Variants in SYNPR observed in about 807,000 individuals in gnomAD.
The protein encoded by SYNPR is synaptoporin.
A neutral mutation model predicts 32.9 loss-of-function variants in SYNPR; 23 were observed. The ratio of observed to expected loss-of-function variants is 0.70; its 90% CI spans 0.50 to 0.99. The LOEUF is 0.99. SYNPR is among the 50% of genes least tolerant of loss of function. The probability of loss-of-function intolerance (pLI) is 0.00; values close to 1 mark genes in which losing one functional copy is unlikely to be tolerated. For synonymous variants in SYNPR, 146 were observed against 135.9 expected, an observed-to-expected ratio of 1.07 and a Z score of -0.52; for missense variants, 318 against 349.3, an observed-to-expected ratio of 0.91 and a Z score of 0.71.
chr3:63,530,742 G>A (rs1164671719), intron 3 of SYNPR, among the ~76,000 whole-genome samples: 2 of 152,102 alleles, frequency 1.3e-5, no homozygotes, highest in African/African-American at 2.4e-5. Context: ...TGAGAAGCAA[G>A]CCCCTCAGAG....
At chr3:63,473,487 A>G (rs944925024) in intron 2 of SYNPR, among the ~76,000 whole-genome samples, 7 of 152,238 alleles carry the variant, frequency 4.6e-5, no homozygotes, top group African/African-American at 1.7e-4. Context: ...GTAGAGATTC[A>G]GCAATAAACA....
At chr3:63,282,419 G>GA (rs1413460079) in intron 2 of SYNPR, among the ~76,000 whole-genome samples, 2 of 152,074 alleles carry the variant, frequency 1.3e-5, no homozygotes, top group Non-Finnish European at 2.9e-5. Context: ...GAGAGAAACT[G>GA]AAAACAAATT....
chr3:63,293,440 A>G (rs2086761391), intron 2 of SYNPR, among the ~76,000 whole-genome samples: 1 of 152,200 alleles, frequency 6.6e-6, no homozygotes, highest in Non-Finnish European at 1.5e-5. Flanking sequence ...ACTGAGAGAT[A>G]ACCTTAATAC....
intron 2 of SYNPR, among the ~76,000 whole-genome samples, chr3:63,291,470 G>C (rs937213997): frequency 6.6e-6 from 1 of 152,156 alleles, no homozygotes; most frequent in Non-Finnish European, 1.5e-5. Context: ...TCCCATATGA[G>C]AAATATCTGA....
At chr3:63,411,113 T>C (rs146209253) in intron 2 of SYNPR, among the ~76,000 whole-genome samples, 2 of 152,236 alleles carry the variant, frequency 1.3e-5, no homozygotes, top group East Asian at 1.9e-4. Flanking sequence ...CCTGATCCGA[T>C]GCAATGTGGA....
At chr3:63,479,287 A>G (rs1700994749) in intron 2 of SYNPR, among the ~76,000 whole-genome samples, 1 of 152,204 alleles carries the variant, frequency 6.6e-6, no homozygotes, top group Admixed American at 6.5e-5. Context: ...ATTCGTTAAC[A>G]TTGATTGAGA....
At chr3:63,425,596 A>T (rs1699878117) in intron 2 of SYNPR, among the ~76,000 whole-genome samples, 1 of 152,068 alleles carries the variant, frequency 6.6e-6, no homozygotes, top group Non-Finnish European at 1.5e-5. Context: ...TTTTCATTGA[A>T]TTCTTAGGCT....
intron 1 of SYNPR, among the ~76,000 whole-genome samples, chr3:63,243,765 G>A (rs1182012018): frequency 6.6e-6 from 1 of 151,966 alleles, no homozygotes; most frequent in Admixed American, 6.6e-5. Context: ...CATTTTGTGT[G>A]TGCAATGAAA....
At chr3:63,211,593 A>G in the SYNPR span, among the ~76,000 whole-genome samples, 1 of 152,190 alleles carries the variant, frequency 6.6e-6, no homozygotes, top group African/African-American at 2.4e-5. Flanking sequence ...TAGAGAGCTC[A>G]AGCTGTTTTC....
At chr3:63,569,364 T>C (rs915278365) in intron 4 of SYNPR, among the ~76,000 whole-genome samples, 12 of 152,176 alleles carry the variant, frequency 7.9e-5, no homozygotes, top group African/African-American at 2.9e-4. Flanking sequence ...TGTGACCTCT[T>C]ATCTGAGTGA....
At chr3:63,208,046 AACAC>A in the SYNPR span, among the ~76,000 whole-genome samples, 29,024 of 150,116 alleles carry the variant, frequency 0.19, 3,524 homozygotes, top group Admixed American at 0.31. Context: ...CACACACACA[AACAC>A]ACACACACAC....
chr3:63,207,783 A>T, the SYNPR span, among the ~76,000 whole-genome samples: 44 of 152,012 alleles, frequency 2.9e-4, no homozygotes, highest in African/African-American at 6.0e-4. Flanking sequence ...GCATTTTTTT[A>T]AAAAAAATGA....
chr3:63,410,591 C>T (rs534738054), intron 2 of SYNPR, among the ~76,000 whole-genome samples: 1 of 152,256 alleles, frequency 6.6e-6, no homozygotes, highest in African/African-American at 2.4e-5. Context: ...ATGTTTGTGT[C>T]TGCCTTGTAT....
Position 63,336,874 on chromosome 3 carries a change from T to C in SYNPR, c.84+58132T>C, listed in dbSNP as rs954536204. ...TGTGATAAAGCACTTGTATCCAGGA[T>C]ATATAAAAAATTATTAATACTCAAC... On this transcript the variant is annotated intron_variant, in intron 2 of 5. Coordinates refer to ENST00000478300, the MANE Select transcript of SYNPR (RefSeq NM_001130003.2). Among the ~76,000 whole-genome samples the C allele has an allele frequency of 3.9e-5, 6 of 152,168 alleles. 1 individual carries two copies. The highest frequency in any genetic ancestry group is 1.4e-4 in the African/African-American group (6 of 41,530).
intron 2 of SYNPR, among the ~76,000 whole-genome samples, chr3:63,446,704 C>T (rs1575648689): frequency 6.6e-6 from 1 of 152,048 alleles, no homozygotes; most frequent in Non-Finnish European, 1.5e-5. Context: ...CTCACAACAC[C>T]TTTGCTAAAT....
At chr3:63,203,144 C>G in the SYNPR span, 1 of 141,704 alleles carries the variant, frequency 7.1e-6, no homozygotes, top group Admixed American at 7.1e-5. Context: ...AAACAAGCAT[C>G]TATACCAGTG....
intron 2 of SYNPR, chr3:63,445,572 A>G (rs371263239): frequency 2.9e-6 from 2 of 700,944 alleles, no homozygotes; most frequent in African/African-American, 3.5e-5. Flanking sequence ...AGTCATTTCC[A>G]TTTAGTAAGT....
the SYNPR span, among the ~76,000 whole-genome samples, chr3:63,201,482 A>G: frequency 6.6e-6 from 1 of 152,278 alleles, no homozygotes; most frequent in Non-Finnish European, 1.5e-5. Flanking sequence ...ACTTCCATAA[A>G]TGCATTAATA....
chr3:63,487,923 C>T (rs2106709940), intron 3 of SYNPR, among the ~76,000 whole-genome samples: 1 of 152,256 alleles, frequency 6.6e-6, no homozygotes, highest in African/African-American at 2.4e-5. Flanking sequence ...CTCAGCTGGG[C>T]ACTGGCTGAA....
Sources: gnomAD v4.1 joint callset for allele counts (sites outside exome capture counted in the v4.1 genomes callset) on GRCh38, gnomAD v4.1.1 for gene constraint, MANE v1.5 for transcripts, NCBI Gene and HGNC (gene_info 2026-07-23, HGNC 2026-07-21) for gene names.